The following PTPDC1 variants were observed in gnomAD, a reference collection of about 807,000 sequenced individuals.
The protein encoded by PTPDC1 is protein tyrosine phosphatase domain-containing protein 1.
A neutral mutation model predicts 75.3 loss-of-function variants in PTPDC1; 53 were observed. The ratio of observed to expected loss-of-function variants is 0.70; its 90% CI spans 0.56 to 0.88. The LOEUF is 0.88. Among genes scored for constraint, PTPDC1 ranks in the 40% least tolerant of loss-of-function variants. The pLI is 0.00. For missense variants in PTPDC1, 925 were observed against 998.6 expected (o/e 0.93, Z 0.99); for synonymous variants, 349 against 366.2 (o/e 0.95, Z 0.54).
intron 2 of PTPDC1, among the ~76,000 whole-genome samples, chr9:94,074,166 G>A (rs1315466640): frequency 6.6e-6 from 1 of 152,046 alleles, no homozygotes; most frequent in Non-Finnish European, 1.5e-5. Context: ...CGCTTGTCAG[G>A]CAGTGTTCTT....
chr9:94,055,760 A>G (rs1825913231), intron 1 of PTPDC1, among the ~76,000 whole-genome samples: 2 of 152,294 alleles, frequency 1.3e-5, no homozygotes, highest in South Asian at 2.1e-4. Flanking sequence ...ATAAAAAAAC[A>G]AAAAATCAGT....
At chr9:94,103,993 T>C (rs1827931493) in intron 7 of PTPDC1, among the ~76,000 whole-genome samples, 1 of 152,246 alleles carries the variant, frequency 6.6e-6, no homozygotes, top group African/African-American at 2.4e-5. Flanking sequence ...TTCAGTTCAC[T>C]GCAAGAGAAA....
chr9:94,050,974 C>T (rs1441923002), intron 1 of PTPDC1, among the ~76,000 whole-genome samples: 1 of 152,176 alleles, frequency 6.6e-6, no homozygotes, highest in Admixed American at 6.5e-5. Flanking sequence ...GCTGTGTTAG[C>T]AGTGAGTGAG....
intron 6 of PTPDC1, 124 bp downstream of exon 6, chr9:94,098,703 C>G (rs115086668): frequency 4.7e-6 from 4 of 852,390 alleles, no homozygotes; most frequent in East Asian, 5.3e-5. Context: ...ATAATACTTT[C>G]TAACTTCAGG....
At chr9:94,106,742 A>AT (rs1226933564) in intron 8 of PTPDC1, among the ~76,000 whole-genome samples, 25 of 152,134 alleles carry the variant, frequency 1.6e-4, no homozygotes, top group Non-Finnish European at 5.9e-5. Flanking sequence ...AGAAGCAGTG[A>AT]TTGTGTGACC....
exon 2 of PTPDC1, chr9:94,064,795 A>C (rs1388025429): frequency 6.2e-6 from 10 of 1,613,332 alleles, no homozygotes; most frequent in Non-Finnish European, 7.6e-6. Flanking sequence ...TTGGTGAATA[A>C]CAGCGAGTGT....
At chr9:94,092,307 G>A (rs1370468831) in intron 4 of PTPDC1, among the ~76,000 whole-genome samples, 1 of 142,050 alleles carries the variant, frequency 7.0e-6, no homozygotes, top group African/African-American at 2.7e-5. Context: ...TGGTTTCAAA[G>A]AACATCTTTA....
At chr9:94,096,240 A>G (rs1827564021) in intron 5 of PTPDC1, among the ~76,000 whole-genome samples, 1 of 152,190 alleles carries the variant, frequency 6.6e-6, no homozygotes, top group Admixed American at 6.5e-5. Context: ...GATCTGCCAC[A>G]TACCTGGAAG....
upstream of PTPDC1, chr9:94,084,386 G>C: frequency 3.7e-6 from 5 of 1,346,028 alleles, no homozygotes; most frequent in South Asian, 1.5e-5. Context: ...TAGTTTCTTT[G>C]TTTGTCGCCA....
intron 1 of PTPDC1, among the ~76,000 whole-genome samples, chr9:94,039,353 A>G (rs975055367): frequency 6.6e-6 from 1 of 152,212 alleles, no homozygotes; most frequent in Non-Finnish European, 1.5e-5. Flanking sequence ...TAGATATTAA[A>G]AACAATGGTA....
chr9:94,050,163 C>T (rs1825742047), intron 1 of PTPDC1, among the ~76,000 whole-genome samples: 1 of 152,078 alleles, frequency 6.6e-6, no homozygotes, highest in Non-Finnish European at 1.5e-5. Context: ...GTTTGAACTT[C>T]CTCCTTTAGC....
chr9:94,088,658 G>A (rs1827163110), intron 4 of PTPDC1, among the ~76,000 whole-genome samples: 1 of 152,110 alleles, frequency 6.6e-6, no homozygotes, highest in Non-Finnish European at 1.5e-5. Flanking sequence ...AGTCAGGTTT[G>A]GAACCTGGAC....
At chr9:94,050,373 G>A (rs930461590) in intron 1 of PTPDC1, among the ~76,000 whole-genome samples, 1 of 152,174 alleles carries the variant, frequency 6.6e-6, no homozygotes, top group African/African-American at 2.4e-5. Flanking sequence ...TGATGTTGGT[G>A]ACGTACAGAT....
Position 94,072,174 on chromosome 9 carries a change from A to G in PTPDC1, c.82+7353A>G, listed in dbSNP as rs139298321. Among the ~76,000 whole-genome samples, 578 of 152,102 alleles carry G rather than the reference A, an allele frequency of 3.8e-3. 5 individuals carry two copies. Among genetic ancestry groups the G allele is most frequent in the African/African-American group, 0.013 (556 of 41,480 alleles). On this transcript the variant is annotated intron_variant, in intron 2 of 9. Transcript: ENST00000375360. ...AGGCGCCTGCCACCACGCCCAGCTA[A>G]TTTTTGTATTTTTAGCAGAGACGGT...
intron 1 of PTPDC1, among the ~76,000 whole-genome samples, chr9:94,061,456 G>C (rs1329022852): frequency 6.6e-6 from 1 of 152,260 alleles, no homozygotes; most frequent in East Asian, 1.9e-4. Flanking sequence ...TGGGGACTCT[G>C]TGTAGGGGGT....
intron 1 of PTPDC1, among the ~76,000 whole-genome samples, chr9:94,045,913 C>T (rs528711277): frequency 4.3e-4 from 65 of 152,258 alleles, no homozygotes; most frequent in African/African-American, 1.4e-3. Flanking sequence ...ACATGAAGTC[C>T]TTGCTCATGC....
intron 2 of PTPDC1, among the ~76,000 whole-genome samples, chr9:94,071,353 A>G (rs1226998950): frequency 6.7e-6 from 1 of 149,768 alleles, no homozygotes; most frequent in Non-Finnish European, 1.5e-5. Context: ...ATTTTTTTTT[A>G]CTGTTGAGTT....
chr9:94,095,355 G>A lies in PTPDC1; in HGVS notation c.655G>A (p.Ala219Thr), dbSNP rs145874602. ...TTTCGGATGGAAGGATTATGGTGTA[G>A]CGTCTCTTACTACTATCCTAGATAT... ...YNFGWKDYGV[A>T]SLTTILDMVK... Residue 219 changes from alanine to threonine, a missense_variant, in exon 5 of 9, where the codon GCG becomes ACG. Physicochemically the swap from Ala to Thr is moderately conservative, Grantham distance 58 (BLOSUM62 0). Transcript: ENST00000620992. 8.1e-5 allele frequency: 130 copies of A among 1,612,130 alleles called. No homozygotes were observed. In the African/African-American group the frequency reaches 1.5e-3, roughly 19 times the overall value.
intron 1 of PTPDC1, among the ~76,000 whole-genome samples, chr9:94,037,789 T>C (rs987278605): frequency 1.3e-5 from 2 of 152,112 alleles, no homozygotes; most frequent in Non-Finnish European, 2.9e-5. Flanking sequence ...GAGGGTTCTA[T>C]TGGGGAAGTC....
Sources: allele counts gnomAD v4.1 joint callset (sites outside exome capture counted in the v4.1 genomes callset), GRCh38; gene constraint gnomAD v4.1.1; transcripts MANE v1.5; gene names NCBI Gene and HGNC (gene_info 2026-07-23, HGNC 2026-07-21).